Variants in RNF17 observed in about 807,000 individuals in gnomAD.
The protein encoded by RNF17 is ring finger protein 17.
In RNF17, 31 loss-of-function variants were observed where a neutral mutation model predicts 200.5. The ratio of observed to expected loss-of-function variants is 0.15; its 90% CI spans 0.12 to 0.21. The LOEUF (loss-of-function observed/expected upper bound fraction) is 0.21. Ranked by LOEUF, RNF17 falls within the 10% of genes least tolerant of loss-of-function variation. RNF17 has a pLI of 1.00. For synonymous variants in RNF17, 606 were observed against 637.8 expected (o/e 0.95, Z 0.75); for missense variants, 1,628 against 1,905.1 (o/e 0.85, Z 2.71).
chr13:24,839,790 C>T (rs772816737), intron 18 of RNF17, among the ~76,000 whole-genome samples: 8 of 152,152 alleles, frequency 5.3e-5, no homozygotes, highest in Admixed American at 1.3e-4. Flanking sequence ...TAGAAGATAC[C>T]GTTGGAAAAA....
chr13:24,852,654 G>A (rs1255713142), intron 24 of RNF17, among the ~76,000 whole-genome samples: 1 of 152,202 alleles, frequency 6.6e-6, no homozygotes, highest in Non-Finnish European at 1.5e-5. Flanking sequence ...TATGGGAGAT[G>A]TGGCCTGGAT....
chr13:24,851,491 T>G lies in RNF17; in HGVS notation c.3240T>G (p.Ile1080Met), dbSNP rs767481446. The part of the protein sequence containing the change: ...NNTTWPLPVK[I>M]FCRDEKGERV... ...CAACATGGCCATTACCTGTGAAAAT[T>G]TTCTGCAGAGATGAAAAAGGAGAGC... Residue 1080 changes from isoleucine to methionine, a missense_variant, in exon 24 of 36, where the codon ATT (isoleucine) becomes ATG (methionine). Ile to Met is a conservative substitution (Grantham distance 10). Transcript: ENST00000255324. 3 of 1,613,704 alleles carry G rather than the reference T, an allele frequency of 1.9e-6. No homozygotes were observed. Among genetic ancestry groups the G allele is most frequent in the East Asian group, 2.2e-5 (1 of 44,852 alleles).
chr13:24,885,566 G>A, the RNF17 span: 1 of 1,427,576 alleles, frequency 7.0e-7, no homozygotes, highest in Admixed American at 1.7e-5. Context: ...TCAAGCCTAA[G>A]TAATGTATGT....
intron 34 of RNF17, among the ~76,000 whole-genome samples, chr13:24,878,411 G>A (rs367896298): frequency 1.3e-5 from 2 of 152,326 alleles, no homozygotes; most frequent in South Asian, 4.1e-4. Context: ...ATATATGAGA[G>A]GATTTATTAC....
chr13:24,883,681 GTGTT>G (rs1240692031), downstream of RNF17, among the ~76,000 whole-genome samples: 3 of 152,178 alleles, frequency 2.0e-5, no homozygotes, highest in East Asian at 1.9e-4. Context: ...AACCATCTGA[GTGTT>G]TGTTTGCTCT....
intron 2 of RNF17, among the ~76,000 whole-genome samples, chr13:24,774,489 C>T (rs774201998): frequency 4.6e-5 from 7 of 152,230 alleles, no homozygotes; most frequent in Admixed American, 2.0e-4. Flanking sequence ...GGATTACGGG[C>T]GTGAGCCCTC....
intron 15 of RNF17, among the ~76,000 whole-genome samples, chr13:24,811,410 A>AC (rs1284594707): frequency 9.9e-5 from 15 of 152,112 alleles, no homozygotes. Context: ...CATCGCTGAT[A>AC]CCCTTTCTTC....
At chr13:24,781,996 C>G (rs1882443652) in intron 6 of RNF17, 52 bp downstream of exon 6, 1 of 1,120,292 alleles carries the variant, frequency 8.9e-7, no homozygotes, top group East Asian at 2.4e-5. Flanking sequence ...CTAACACTAA[C>G]TTGTCATTGT....
chr13:24,885,801 ATTTTTCT>A, the RNF17 span: 1 of 705,498 alleles, frequency 1.4e-6, no homozygotes, highest in South Asian at 1.7e-5. Flanking sequence ...ATGTCTTAAT[ATTTTTCT>A]TTACTAATTT....
chr13:24,862,859 G>C (rs1017183872), intron 28 of RNF17, 66 bp downstream of exon 28: 16 of 959,808 alleles, frequency 1.7e-5, no homozygotes, highest in Non-Finnish European at 2.5e-5. Context: ...AACATAATTT[G>C]AGGGATATTT....
chr13:24,782,679 A>C (rs545963569), intron 6 of RNF17, among the ~76,000 whole-genome samples: 2 of 151,460 alleles, frequency 1.3e-5, no homozygotes, highest in East Asian at 1.9e-4. Context: ...TGTACAAAAC[A>C]AAAAAAAATC....
intron 15 of RNF17, among the ~76,000 whole-genome samples, chr13:24,812,667 C>T (rs1886831243): frequency 2.5e-5 from 1 of 40,392 alleles, no homozygotes; most frequent in Non-Finnish European, 6.0e-5. Context: ...TGGCTCCTCC[C>T]CTCCCCGCCC....
In RNF17 at chr13:24,779,688, A is replaced by G; in HGVS notation, c.451A>G (p.Ile151Val). ...TTAGGACACTAATACTGCAGAAGAA[A>G]TTGATGAAGCATTGAATACAGCACA... ...VMLDTNTAEE[I>V]DEALNTAHHS... The change falls in exon 5 of 36, where the codon ATT (isoleucine) becomes GTT (valine). Residue 151 changes from isoleucine (I) to valine (V), a missense_variant. Around this residue, in one of 5 missense-constraint regions of RNF17, gnomAD observed 502 missense variants for 501.7 expected, o/e 1.00. Transcript: ENST00000255324. The G allele has an allele frequency of 6.2e-7, 1 of 1,613,400 alleles. No homozygotes were observed. Among genetic ancestry groups the G allele is most frequent in the Non-Finnish European group, 8.5e-7 (1 of 1,179,544 alleles).
chr13:24,827,706 A>AG (rs1888862044), intron 16 of RNF17, among the ~76,000 whole-genome samples: 1 of 115,552 alleles, frequency 8.7e-6, no homozygotes, highest in Non-Finnish European at 1.8e-5. Context: ...CGTCTCAAAA[A>AG]AAAAAAAAAA....
intron 34 of RNF17, among the ~76,000 whole-genome samples, chr13:24,877,873 C>T (rs995754233): frequency 3.3e-5 from 5 of 152,226 alleles, no homozygotes; most frequent in African/African-American, 1.2e-4. Flanking sequence ...CAGCATGTCA[C>T]AGTAGCCCAC....
At chr13:24,881,808 A>ATATC (rs1199397792), downstream of RNF17, among the ~76,000 whole-genome samples, 1 of 121,142 alleles carries the variant, frequency 8.3e-6, no homozygotes, top group African/African-American at 3.3e-5. Flanking sequence ...ATATATCTAG[A>ATATC]TATCTATCTA....
chr13:24,820,121 CTTTT>C (rs200683421), intron 15 of RNF17, among the ~76,000 whole-genome samples: 29 of 113,306 alleles, frequency 2.6e-4, no homozygotes, highest in Admixed American at 2.7e-4. Context: ...TTTCTTTTTT[CTTTT>C]TTTTTTTTTT....
Position 24,862,748 on chromosome 13 carries a change from T to G in RNF17, c.3930T>G (p.Val1310=). 1.2e-6 allele frequency: 2 copies of G among 1,609,718 alleles called. No individual in the cohort carries two copies. Among genetic ancestry groups the G allele is most frequent in the Non-Finnish European group, 1.7e-6 (2 of 1,176,160 alleles). ...GNVWQPDAIE[V]LQQLLSKRQV... ...TCTGGCAACCAGATGCAATAGAAGT[T>G]CTTCAACAACTGCTTTCAAAGAGAC... The change falls in exon 28 of 36, where the codon GTT becomes GTG. Residue 1310 remains valine (V), a synonymous_variant. Coordinates refer to ENST00000255324, the MANE Select transcript of RNF17 (RefSeq NM_031277.3).
intron 10 of RNF17, 28 bp downstream of exon 10, chr13:24,793,374 A>G (rs780534971): frequency 6.5e-7 from 1 of 1,547,562 alleles, no homozygotes; most frequent in Non-Finnish European, 8.7e-7. Flanking sequence ...AGCAGAGGGG[A>G]AAGATCTTGT....
Sources: gnomAD v4.1 joint callset for allele counts (sites outside exome capture counted in the v4.1 genomes callset) on GRCh38, gnomAD v4.1.1 for gene constraint, gnomAD v4.1.1 regional missense constraint, MANE v1.5 for transcripts, NCBI Gene and HGNC (gene_info 2026-07-23, HGNC 2026-07-21) for gene names.